Variants in KAZN observed in about 807,000 individuals in gnomAD.
KAZN encodes the protein kazrin.
In KAZN, 40 loss-of-function variants were observed where a neutral mutation model predicts 87.4. The ratio of observed to expected loss-of-function variants is 0.46; its 90% CI spans 0.36 to 0.60. The LOEUF is 0.60. Ranked by LOEUF, KAZN falls within the 20% of genes least tolerant of loss-of-function variation. KAZN has a pLI of 0.00. For missense variants in KAZN, 898 were observed against 1,073.9 expected, an observed-to-expected ratio of 0.84 and a Z score of 2.29; for synonymous variants, 466 against 458.3, an observed-to-expected ratio of 1.02 and a Z score of -0.22.
chr1:14,287,693 C>T (rs987051552), intron 2 of KAZN, among the ~76,000 whole-genome samples: 2 of 152,186 alleles, frequency 1.3e-5, no homozygotes, highest in African/African-American at 4.8e-5. Flanking sequence ...GCTGATTGCC[C>T]TGGCCAGAAC....
In KAZN at chr1:14,960,817, C is replaced by G. The variant is rs763333643; in HGVS notation, c.360C>G (p.Leu120=). The G allele has an allele frequency of 1.2e-6, 2 of 1,613,132 alleles. No individual in the cohort carries two copies. The highest frequency in any genetic ancestry group is 1.7e-5 in the Admixed American group (1 of 59,980). ...KSSEVLSATE[L]RVQLAQKEQE... ...CTGAGGTCCTCTCGGCCACCGAGCT[C>G]AGGGTCCAGCTGGCCCAGAAGGAGC... Residue 120 remains leucine (L), a synonymous_variant, in exon 2 of 15, where the codon CTC becomes CTG. Transcript: ENST00000376030.
At chr1:14,219,735 A>G (rs1035017305) in intron 2 of KAZN, among the ~76,000 whole-genome samples, 2 of 152,212 alleles carry the variant, frequency 1.3e-5, no homozygotes, top group African/African-American at 2.4e-5. Flanking sequence ...CTGGGAGATT[A>G]GCAAAAACTT....
rs192721467 is a variant in KAZN, at chr1:14,112,508, G to A, written c.92-67927G>A. ...AAAGAACTTTGTTGGGAGCATGGCA[G>A]ACACTCTCCTCTCACTCCCAGGGAC... On this transcript the variant is annotated intron_variant, in intron 1 of 16. Transcript: ENST00000636203. 3.7e-4 allele frequency among the ~76,000 whole-genome samples: 57 copies of A among 152,300 alleles called. 2 individuals carry two copies. The East Asian group carries it at 0.01, about 27-fold the overall frequency.
chr1:14,542,943 C>T (rs1216375881), intron 2 of KAZN, among the ~76,000 whole-genome samples: 1 of 121,270 alleles, frequency 8.2e-6, no homozygotes, highest in Non-Finnish European at 1.6e-5. Context: ...CAGCCCTGCT[C>T]TTGGGTATGG....
chr1:13,975,291 G>T (rs1160466542), intron 1 of KAZN, among the ~76,000 whole-genome samples: 2 of 152,194 alleles, frequency 1.3e-5, no homozygotes, highest in African/African-American at 4.8e-5. Flanking sequence ...GGCACTTCAA[G>T]GCCACTGTTC....
chr1:14,457,990 G>A (rs1367736151), intron 2 of KAZN, among the ~76,000 whole-genome samples: 1 of 151,800 alleles, frequency 6.6e-6, no homozygotes, highest in African/African-American at 2.4e-5. Flanking sequence ...GCTAATTTTT[G>A]TGTGTGTGTT....
chr1:14,491,106 T>C (rs531422839), intron 2 of KAZN, among the ~76,000 whole-genome samples: 3 of 152,368 alleles, frequency 2.0e-5, no homozygotes, highest in East Asian at 3.9e-4. Context: ...CTCATGTCGA[T>C]CCTACTCATT....
chr1:14,499,059 A>G (rs1304594278), intron 2 of KAZN, among the ~76,000 whole-genome samples: 1 of 152,094 alleles, frequency 6.6e-6, no homozygotes. Context: ...TTCTGCCAAG[A>G]TCCTAACCAA....
At chr1:14,215,372 A>AT (rs1646938011) in intron 2 of KAZN, among the ~76,000 whole-genome samples, 1 of 152,122 alleles carries the variant, frequency 6.6e-6, no homozygotes, top group Admixed American at 6.5e-5. Flanking sequence ...TGATCACCAA[A>AT]TTCCTTCCTG....
intron 2 of KAZN, among the ~76,000 whole-genome samples, chr1:14,980,871 G>C (rs1268387622): frequency 6.6e-6 from 1 of 152,162 alleles, no homozygotes; most frequent in Non-Finnish European, 1.5e-5. Flanking sequence ...GGAGGCAGGA[G>C]GGGGAGGTGG....
At chr1:14,350,067 G>A (rs1658417687) in intron 2 of KAZN, among the ~76,000 whole-genome samples, 1 of 149,346 alleles carries the variant, frequency 6.7e-6, no homozygotes, top group Non-Finnish European at 1.5e-5. Context: ...CTGGGAGGCG[G>A]AGCTTGCAGT....
intron 2 of KAZN, among the ~76,000 whole-genome samples, chr1:15,024,456 G>C (rs906877239): frequency 6.6e-6 from 1 of 152,200 alleles, no homozygotes; most frequent in African/African-American, 2.4e-5. Flanking sequence ...AGCTGGAGAG[G>C]GACATGGGAT....
At chr1:14,998,000 G>A (rs568481360) in intron 2 of KAZN, among the ~76,000 whole-genome samples, 18 of 152,276 alleles carry the variant, frequency 1.2e-4, no homozygotes, top group African/African-American at 4.3e-4. Flanking sequence ...AGTCACTGTC[G>A]TTATTGAGCC....
intron 1 of KAZN, among the ~76,000 whole-genome samples, chr1:14,686,080 G>GT (rs1468972270): frequency 6.6e-6 from 1 of 151,902 alleles, no homozygotes. Context: ...TGTTTGTTTT[G>GT]TTTTTTTGAG....
intron 2 of KAZN, among the ~76,000 whole-genome samples, chr1:14,442,642 G>A (rs560181843): frequency 5.9e-4 from 90 of 152,322 alleles, no homozygotes; most frequent in African/African-American, 1.5e-3. Flanking sequence ...GACACTTGGA[G>A]GTGAGCCAGG....
rs1275607801 is a variant in KAZN at position 14,436,250 on chromosome 1, G to A, written c.250-162733G>A. 2.6e-5 allele frequency among the ~76,000 whole-genome samples: 4 copies of A among 151,798 alleles called. No individual in the cohort carries two copies. In the East Asian group the frequency reaches 7.8e-4, roughly 29 times the overall value. Reference sequence around the variant, plus strand: ...AACTCAAAAAAAAGAAAAGAAAATGGAATGCACACACACACAGGATTAGAT... The same window carrying A: ...AACTCAAAAAAAAGAAAAGAAAATGAAATGCACACACACACAGGATTAGAT... On this transcript the variant is annotated intron_variant, in intron 2 of 16. Transcript: ENST00000636203.
At chr1:14,838,095 T>A (rs1647485129) in intron 1 of KAZN, among the ~76,000 whole-genome samples, 1 of 152,194 alleles carries the variant, frequency 6.6e-6, no homozygotes, top group Non-Finnish European at 1.5e-5. Flanking sequence ...TGGTGAGAGC[T>A]GCTGCCTTCT....
intron 2 of KAZN, among the ~76,000 whole-genome samples, chr1:14,353,503 G>A (rs1422614990): frequency 6.6e-6 from 1 of 152,160 alleles, no homozygotes; most frequent in East Asian, 1.9e-4. Flanking sequence ...ACAGGCGTGA[G>A]CCACCGCGCC....
chr1:14,875,948 T>G (rs1417851360), intron 1 of KAZN, among the ~76,000 whole-genome samples: 1 of 152,234 alleles, frequency 6.6e-6, no homozygotes, highest in East Asian at 1.9e-4. Flanking sequence ...TGTGTTGCCC[T>G]GCAAACTTTC....
Sources: gnomAD v4.1 joint callset for allele counts (sites outside exome capture counted in the v4.1 genomes callset) on GRCh38, gnomAD v4.1.1 for gene constraint, MANE v1.5 for transcripts, NCBI Gene and HGNC (gene_info 2026-07-23, HGNC 2026-07-21) for gene names.